PCDH11Y: variants seen among roughly 807,000 people sequenced by gnomAD.
PCDH11Y encodes the protein protocadherin 11 Y-linked, also known as protocadherin-11 Y-linked.
For synonymous variants in PCDH11Y, 9 were observed against 83.6 expected (o/e 0.11, Z 4.87); for missense variants, 12 against 224.8 (o/e 0.05, Z 6.05).
chrY:5,079,059 A>T, intron 1 of PCDH11Y, among the ~76,000 whole-genome samples: 1 of 33,518 alleles, frequency 3.0e-5, no homozygotes, highest in Non-Finnish European at 7.4e-5. Context: ...GGCCCCATAA[A>T]AGTCTGAAAT....
At chrY:5,268,985 T>C (rs2053031305) in intron 2 of PCDH11Y, among the ~76,000 whole-genome samples, 1 of 30,393 alleles carries the variant, frequency 3.3e-5, no homozygotes, top group Non-Finnish European at 7.9e-5. Context: ...GCATATAGAT[T>C]AACAAAAAGT....
intron 4 of PCDH11Y, among the ~76,000 whole-genome samples, chrY:5,625,049 C>T (rs2053505252): frequency 1.8e-4 from 6 of 32,784 alleles, no homozygotes; most frequent in Admixed American, 5.6e-4. Context: ...CTTGTTTTGG[C>T]GATCTTTCAC....
At chrY:5,123,533 G>C in intron 2 of PCDH11Y, among the ~76,000 whole-genome samples, 1 of 32,575 alleles carries the variant, frequency 3.1e-5, no homozygotes, top group Non-Finnish European at 7.5e-5. Flanking sequence ...TCTGACTCTG[G>C]AATAAGACCT....
intron 2 of PCDH11Y, among the ~76,000 whole-genome samples, chrY:5,222,307 T>C: frequency 3.1e-5 from 1 of 32,723 alleles, no homozygotes; most frequent in Non-Finnish European, 7.5e-5. Context: ...GTTTTGGAGG[T>C]GTTCTCTCCT....
intron 4 of PCDH11Y, among the ~76,000 whole-genome samples, chrY:5,637,402 T>C: frequency 5.9e-5 from 2 of 33,799 alleles, no homozygotes; most frequent in Non-Finnish European, 1.5e-4. Flanking sequence ...AGTAAACTCA[T>C]CCAAATTGAG....
chrY:5,209,994 G>A, intron 2 of PCDH11Y, among the ~76,000 whole-genome samples: 6 of 34,047 alleles, frequency 1.8e-4, no homozygotes, highest in Non-Finnish European at 2.9e-4. Flanking sequence ...CCCGGGAGGC[G>A]GAGGTTGCAG....
intron 2 of PCDH11Y, among the ~76,000 whole-genome samples, chrY:5,402,456 G>T: frequency 6.2e-5 from 2 of 32,407 alleles, no homozygotes; most frequent in East Asian, 8.1e-4. Context: ...CTTTTTAGAT[G>T]CAGAGACTGA....
intron 3 of PCDH11Y, among the ~76,000 whole-genome samples, chrY:5,040,014 G>A (rs2052605010): frequency 3.2e-5 from 1 of 31,126 alleles, no homozygotes; most frequent in South Asian, 7.7e-4. Context: ...GGTGGCACAC[G>A]CCTGTAGTCC....
chrY:5,347,343 C>T (rs2053153440), intron 2 of PCDH11Y, among the ~76,000 whole-genome samples: 2 of 32,214 alleles, frequency 6.2e-5, no homozygotes. Context: ...TCCAGCTACT[C>T]GGGAGGCTGA....
At chrY:5,493,668 G>A in intron 2 of PCDH11Y, among the ~76,000 whole-genome samples, 1 of 33,177 alleles carries the variant, frequency 3.0e-5, no homozygotes, top group Non-Finnish European at 7.4e-5. Context: ...GCCTGGAATA[G>A]GAAGACTTAT....
chrY:5,461,369 T>C, intron 2 of PCDH11Y, among the ~76,000 whole-genome samples: 2 of 33,414 alleles, frequency 6.0e-5, no homozygotes, highest in African/African-American at 2.3e-4. Context: ...ATATAACTTA[T>C]TCATTGACAA....
chrY:5,057,546 G>A, intron 1 of PCDH11Y, 87 bp downstream of exon 2: 1 of 256,614 alleles, frequency 3.9e-6, no homozygotes, highest in Middle Eastern at 1.0e-3. Context: ...CAAATTTTGA[G>A]TAAGCCATCA....
chrY:5,468,385 G>A, intron 2 of PCDH11Y, among the ~76,000 whole-genome samples: 1 of 32,046 alleles, frequency 3.1e-5, no homozygotes, highest in African/African-American at 1.2e-4. Flanking sequence ...CACAGCAATT[G>A]CTATTTTCCA....
chrY:5,106,082 T>G, downstream of PCDH11Y, among the ~76,000 whole-genome samples: 3 of 33,557 alleles, frequency 8.9e-5, no homozygotes, highest in Admixed American at 8.2e-4. Context: ...TGCCTCATAT[T>G]TTGTGTACAT....
intron 3 of PCDH11Y, among the ~76,000 whole-genome samples, chrY:5,522,168 C>T: frequency 3.1e-5 from 1 of 32,037 alleles, no homozygotes; most frequent in South Asian, 7.5e-4. Context: ...CCACTGCGCC[C>T]AGCCAAGAAA....
downstream of PCDH11Y, among the ~76,000 whole-genome samples, chrY:5,108,573 T>C (rs371412127): frequency 1.4e-3 from 40 of 28,861 alleles, no homozygotes; most frequent in South Asian, 8.0e-3. Flanking sequence ...CAGTGAAACC[T>C]CGTCTCTACT....
Position 5,349,874 on chromosome Y carries a change from T to C in PCDH11Y, c.3130-151183T>C, listed in dbSNP as rs74747930. On this transcript the variant is annotated intron_variant, in intron 2 of 4. Transcript: ENST00000400457. Reference sequence around the variant, plus strand: ...AATAAAGTTATTCATATTGATTATATGTATTTTAAATTCCTATAAAGGTCT... The same window carrying C: ...AATAAAGTTATTCATATTGATTATACGTATTTTAAATTCCTATAAAGGTCT... Among the ~76,000 whole-genome samples, 605 of 34,058 alleles carry C rather than the reference T, an allele frequency of 0.018. No homozygotes were observed. In the East Asian group the frequency reaches 0.46, roughly 26 times the overall value. 91.4% of individuals were successfully genotyped at this position (34,058 alleles called of 37,273 possible).
At chrY:5,678,377 T>C in intron 4 of PCDH11Y, among the ~76,000 whole-genome samples, 1 of 32,576 alleles carries the variant, frequency 3.1e-5, no homozygotes, top group Non-Finnish European at 7.5e-5. Context: ...CAAAAAAATC[T>C]GAAAATTATG....
chrY:5,447,505 T>C, intron 2 of PCDH11Y, among the ~76,000 whole-genome samples: 1 of 31,496 alleles, frequency 3.2e-5, no homozygotes, highest in African/African-American at 1.2e-4. Flanking sequence ...GAGCTGACAA[T>C]TGATGCCTGT....
Sources: gnomAD v4.1 joint callset for allele counts (sites outside exome capture counted in the v4.1 genomes callset) on GRCh38, gnomAD v4.1.1 for gene constraint, MANE v1.5 for transcripts, NCBI Gene and HGNC (gene_info 2026-07-23, HGNC 2026-07-21) for gene names.